The following CCDC7 variants were observed in gnomAD, a reference collection of about 807,000 sequenced individuals.
CCDC7 encodes coiled-coil domain containing 7, also known as coiled-coil domain-containing protein 7.
Under a neutral mutation model 196.9 loss-of-function variants are expected in CCDC7, and 183 were observed. That is an observed-to-expected ratio of 0.93 (90% confidence interval 0.82 to 1.05). The LOEUF (loss-of-function observed/expected upper bound fraction) is 1.05, where lower values mean the gene tolerates loss of function less well. Ranked by LOEUF, CCDC7 falls within the 50% of genes least tolerant of loss-of-function variation. The pLI, the probability that CCDC7 is intolerant of heterozygous loss-of-function variation, is 0.00. For missense variants in CCDC7, 1,540 were observed against 1,482.2 expected, an observed-to-expected ratio of 1.04 and a Z score of -0.64; for synonymous variants, 525 against 484.6, an observed-to-expected ratio of 1.08 and a Z score of -1.10.
intron 3 of CCDC7, among the ~76,000 whole-genome samples, chr10:32,459,557 G>A (rs571860352): frequency 6.6e-6 from 1 of 150,754 alleles, no homozygotes; most frequent in South Asian, 2.1e-4. Context: ...TTTTATTGAT[G>A]TGGCATTGCT....
intron 11 of CCDC7, among the ~76,000 whole-genome samples, chr10:32,535,462 C>T (rs1050591010): frequency 2.0e-5 from 3 of 152,102 alleles, no homozygotes; most frequent in Non-Finnish European, 4.4e-5. Context: ...ACATTGGTTT[C>T]GTCAGGAAAG....
chr10:32,562,238 G>A (rs1178892243), intron 13 of CCDC7, among the ~76,000 whole-genome samples: 1 of 152,088 alleles, frequency 6.6e-6, no homozygotes, highest in East Asian at 1.9e-4. Context: ...AGGAATTGGT[G>A]CCATTCCTTC....
intron 41 of CCDC7, among the ~76,000 whole-genome samples, chr10:32,868,563 G>C (rs1290772558): frequency 1.3e-5 from 2 of 151,610 alleles, no homozygotes; most frequent in Admixed American, 1.3e-4. Context: ...GCATTTATCA[G>C]CACATTATTC....
At chr10:32,768,753 T>C (rs1440461056) in intron 28 of CCDC7, among the ~76,000 whole-genome samples, 1 of 152,176 alleles carries the variant, frequency 6.6e-6, no homozygotes, top group Non-Finnish European at 1.5e-5. Context: ...CAAATGCCAT[T>C]TTTAAATATG....
At chr10:32,696,616 C>A (rs2077764614) in intron 24 of CCDC7, among the ~76,000 whole-genome samples, 1 of 152,096 alleles carries the variant, frequency 6.6e-6, no homozygotes, top group African/African-American at 2.4e-5. Context: ...ACCTAGGAGG[C>A]TGCCATTGAG....
chr10:32,542,368 C>T lies in CCDC7; in HGVS notation c.994-932C>T, dbSNP rs145203313. On this transcript the variant is annotated intron_variant, in intron 11 of 41. Transcript: ENST00000639629. ...AGCAGAAAGGCCGGGTGCAGTGTCTCGTGCCTGTAATCCCAGCACTTTGGG... is the reference window on the plus strand; with the variant it reads ...AGCAGAAAGGCCGGGTGCAGTGTCTTGTGCCTGTAATCCCAGCACTTTGGG... 6.0e-3 allele frequency among the ~76,000 whole-genome samples: 908 copies of T among 152,238 alleles called. 9 individuals are homozygous for T. The highest frequency in any genetic ancestry group is 0.021 in the African/African-American group (865 of 41,536).
At chr10:32,796,971 A>T (rs1204053067) in intron 29 of CCDC7, among the ~76,000 whole-genome samples, 4 of 152,138 alleles carry the variant, frequency 2.6e-5, no homozygotes, top group Non-Finnish European at 5.9e-5. Flanking sequence ...AAAATTCCAC[A>T]CAAAATTTAA....
intron 28 of CCDC7, among the ~76,000 whole-genome samples, chr10:32,770,704 C>T (rs1343974617): frequency 6.6e-6 from 1 of 152,122 alleles, no homozygotes; most frequent in African/African-American, 2.4e-5. Context: ...TGAGTGTTAT[C>T]AGTGGTCTAT....
chr10:32,483,255 A>G (rs1411961778), intron 8 of CCDC7, among the ~76,000 whole-genome samples: 5 of 152,154 alleles, frequency 3.3e-5, no homozygotes, highest in Non-Finnish European at 5.9e-5. Context: ...GCCAGTGATG[A>G]TGAGCATTTT....
At chr10:32,630,011 T>C (rs2064625173) in intron 18 of CCDC7, among the ~76,000 whole-genome samples, 1 of 152,212 alleles carries the variant, frequency 6.6e-6, no homozygotes, top group Non-Finnish European at 1.5e-5. Context: ...CTGTGCTTCC[T>C]GTTTTTCTAC....
chr10:32,533,493 T>G (rs1048923992), intron 11 of CCDC7, among the ~76,000 whole-genome samples: 6 of 152,136 alleles, frequency 3.9e-5, no homozygotes, highest in Non-Finnish European at 8.8e-5. Context: ...CAAGGCGTTT[T>G]ATACCTGGAA....
intron 21 of CCDC7, among the ~76,000 whole-genome samples, chr10:32,685,125 T>C (rs1289295616): frequency 1.3e-5 from 2 of 152,076 alleles, no homozygotes; most frequent in African/African-American, 2.4e-5. Flanking sequence ...TTTGTAAAGC[T>C]AAGTATCTTT....
chr10:32,501,422 G>C (rs1017611843), intron 9 of CCDC7, among the ~76,000 whole-genome samples: 3 of 151,884 alleles, frequency 2.0e-5, no homozygotes, highest in Non-Finnish European at 1.5e-5. Context: ...TTATTCCCTT[G>C]CTGGTGAGCA....
intron 37 of CCDC7, 25 bp downstream of exon 38, chr10:32,846,484 A>C (rs1297895931): frequency 7.1e-7 from 1 of 1,412,320 alleles, no homozygotes; most frequent in Non-Finnish European, 9.9e-7. Context: ...TTTTGAGTCT[A>C]ATATTTGTGA....
At chr10:32,868,315 AT>A (rs1204038966) in intron 41 of CCDC7, among the ~76,000 whole-genome samples, 1 of 151,866 alleles carries the variant, frequency 6.6e-6, no homozygotes, top group Non-Finnish European at 1.5e-5. Context: ...TCTATTGTTA[AT>A]TTTTTGAGAA....
At chr10:32,456,859 CA>C (rs947493830) in intron 3 of CCDC7, among the ~76,000 whole-genome samples, 1 of 151,512 alleles carries the variant, frequency 6.6e-6, no homozygotes, top group Admixed American at 6.6e-5. Flanking sequence ...CTTTTTCTGG[CA>C]ATAGTATTTA....
At chr10:32,630,332 A>G (rs1168211900) in intron 18 of CCDC7, among the ~76,000 whole-genome samples, 2 of 149,552 alleles carry the variant, frequency 1.3e-5, no homozygotes, top group Non-Finnish European at 3.0e-5. Context: ...GTGTGTGTAT[A>G]TATGTATATA....
At chr10:32,878,675 G>A (rs2094681005), downstream of CCDC7, among the ~76,000 whole-genome samples, 1 of 152,090 alleles carries the variant, frequency 6.6e-6, no homozygotes, top group South Asian at 2.1e-4. Flanking sequence ...AATACTCAGT[G>A]AACCCTGGAA....
intron 33 of CCDC7, 149 bp from the exon 35 acceptor site, chr10:32,845,094 T>G: frequency 2.1e-6 from 1 of 478,720 alleles, no homozygotes; most frequent in South Asian, 6.5e-5. Flanking sequence ...AAATTAAGTA[T>G]GAACCTTTAA....
Sources: gnomAD v4.1 joint callset for allele counts (sites outside exome capture counted in the v4.1 genomes callset) on GRCh38, gnomAD v4.1.1 for gene constraint, MANE v1.5 for transcripts, NCBI Gene and HGNC (gene_info 2026-07-23, HGNC 2026-07-21) for gene names.